The following IFT140 variants were observed in gnomAD, a reference collection of about 807,000 sequenced individuals.
IFT140 encodes intraflagellar transport protein 140 homolog.
Under a neutral mutation model 164.6 loss-of-function variants are expected in IFT140, and 133 were observed. That is an observed-to-expected ratio of 0.81 (90% CI 0.70 to 0.93). The LOEUF (loss-of-function observed/expected upper bound fraction) is 0.93, where lower values mean the gene tolerates loss of function less well. IFT140 is among the 40% of genes least tolerant of loss of function. IFT140 has a pLI of 0.00. For missense variants in IFT140, 2,045 were observed against 1,972.3 expected (o/e 1.04, Z -0.70); for synonymous variants, 860 against 817.3 (o/e 1.05, Z -0.89).
At chr16:1,524,316 C>T (rs920463536) in intron 24 of IFT140, 2 of 641,016 alleles carry the variant, frequency 3.1e-6, no homozygotes, top group African/African-American at 3.7e-5. Flanking sequence ...CACTCAGGAG[C>T]CCTGGAGCCT....
At chr16:1,519,525 C>T (rs1296804084) in intron 29 of IFT140, among the ~76,000 whole-genome samples, 1 of 152,156 alleles carries the variant, frequency 6.6e-6, no homozygotes. Context: ...GGTCCCCCAA[C>T]CCCAGGTCAC....
intron 2 of IFT140, chr16:1,610,380 C>A (rs1281635158): frequency 6.5e-6 from 1 of 154,886 alleles, no homozygotes; most frequent in Non-Finnish European, 1.5e-5. Context: ...CGCCCACCTC[C>A]CCACCCCGCC....
At chr16:1,566,788 T>A (rs1020828136) in intron 15 of IFT140, among the ~76,000 whole-genome samples, 20 of 152,108 alleles carry the variant, frequency 1.3e-4, no homozygotes, top group African/African-American at 4.8e-4. Context: ...CCGTCAGTGT[T>A]AACCCCTCAG....
In IFT140 at chr16:1,571,536, TGAG is replaced by T. The variant is rs757146365; in HGVS notation, c.1525-5_1525-3del. 6.2e-7 allele frequency: 1 copy of T among 1,608,894 alleles called. No homozygotes were observed. Among genetic ancestry groups the T allele is most frequent in the African/African-American group, 1.3e-5 (1 of 74,526 alleles). Reference sequence around the variant, plus strand: ...AAGGAGGAGTTGTTTGACAGTCCCCTGAGGAAAAGGAACAAGAAATGGATATAT... The same window carrying T: ...AAGGAGGAGTTGTTTGACAGTCCCCTGAAAAGGAACAAGAAATGGATATAT... On this transcript the variant is annotated splice_region_variant and splice_polypyrimidine_tract_variant and intron_variant, in intron 13 of 30. Coordinates refer to ENST00000426508, the MANE Select transcript of IFT140 (RefSeq NM_014714.4).
chr16:1,583,729 T>C (rs994297713), intron 11 of IFT140, among the ~76,000 whole-genome samples: 2 of 151,714 alleles, frequency 1.3e-5, no homozygotes, highest in African/African-American at 4.8e-5. Flanking sequence ...ACATGGCAGG[T>C]GTATATATTT....
intron 19 of IFT140, among the ~76,000 whole-genome samples, chr16:1,543,000 A>G (rs913083837): frequency 1.3e-5 from 2 of 152,220 alleles, no homozygotes; most frequent in Non-Finnish European, 2.9e-5. Flanking sequence ...CATGACCCCC[A>G]GCGACCCCAG....
chr16:1,593,660 C>T (rs1055999269), intron 4 of IFT140, among the ~76,000 whole-genome samples: 2 of 152,108 alleles, frequency 1.3e-5, no homozygotes, highest in African/African-American at 4.8e-5. Flanking sequence ...TGCCCCTCCA[C>T]TGGGATTGTT....
At chr16:1,546,342 G>C (rs1363304294) in intron 19 of IFT140, among the ~76,000 whole-genome samples, 1 of 152,190 alleles carries the variant, frequency 6.6e-6, no homozygotes, top group Admixed American at 6.5e-5. Context: ...GTGTTTCCCA[G>C]CTGGATCGCT....
chr16:1,590,771 ATTC>A, intron 6 of IFT140, among the ~76,000 whole-genome samples: 1 of 152,064 alleles, frequency 6.6e-6, no homozygotes, highest in East Asian at 1.9e-4. Context: ...TTTATTATTA[ATTC>A]TTTTTTCAAG....
At chr16:1,527,628 G>C (rs1184746764) in intron 19 of IFT140, among the ~76,000 whole-genome samples, 2 of 152,226 alleles carry the variant, frequency 1.3e-5, no homozygotes, top group Non-Finnish European at 2.9e-5. Context: ...CTGGAGTGCA[G>C]TGGCACAATC....
intron 13 of IFT140, among the ~76,000 whole-genome samples, chr16:1,573,768 G>A (rs764717091): frequency 3.9e-5 from 6 of 152,094 alleles, no homozygotes; most frequent in African/African-American, 7.2e-5. Context: ...CTCCTGCGGC[G>A]TCTCCCACAA....
At chr16:1,554,935 G>C in intron 19 of IFT140, 1 of 1,614,164 alleles carries the variant, frequency 6.2e-7, no homozygotes, top group Non-Finnish European at 8.5e-7. Context: ...AGGGAGGACT[G>C]CATGGCCCCC....
At chr16:1,538,515 C>A (rs993710612) in intron 19 of IFT140, among the ~76,000 whole-genome samples, 2 of 152,170 alleles carry the variant, frequency 1.3e-5, no homozygotes, top group African/African-American at 4.8e-5. Context: ...CCTCCTCCCC[C>A]TTCATTCTGG....
chr16:1,607,913 G>A (rs557543968), intron 2 of IFT140, among the ~76,000 whole-genome samples: 5 of 152,326 alleles, frequency 3.3e-5, no homozygotes, highest in Non-Finnish European at 5.9e-5. Context: ...CCAAAGTGCT[G>A]GGATTACAGC....
chr16:1,596,376 T>A (rs1174277642), intron 4 of IFT140, among the ~76,000 whole-genome samples: 1 of 152,170 alleles, frequency 6.6e-6, no homozygotes, highest in Non-Finnish European at 1.5e-5. Context: ...ACTTTAGAAA[T>A]CTTTATTAGC....
intron 24 of IFT140, 74 bp downstream of exon 24, chr16:1,524,478 G>T: frequency 6.4e-7 from 1 of 1,561,268 alleles, no homozygotes; most frequent in Non-Finnish European, 8.7e-7. Flanking sequence ...GATTCTCTCT[G>T]TCCACTTTTC....
At chr16:1,606,564 G>T (rs151182533) in intron 3 of IFT140, among the ~76,000 whole-genome samples, 1 of 152,272 alleles carries the variant, frequency 6.6e-6, no homozygotes, top group East Asian at 1.9e-4. Context: ...GGGTTCAAGC[G>T]ATTCTCCTGC....
chr16:1,557,872 G>A, intron 19 of IFT140, 63 bp downstream of exon 19: 1 of 1,507,884 alleles, frequency 6.6e-7, no homozygotes, highest in Non-Finnish European at 9.2e-7. Context: ...AGGCAAACAG[G>A]GAGAAAGGAA....
At chr16:1,555,828 G>A (rs1024191187) in intron 19 of IFT140, among the ~76,000 whole-genome samples, 1 of 152,196 alleles carries the variant, frequency 6.6e-6, no homozygotes, top group African/African-American at 2.4e-5. Flanking sequence ...GTCAGCCTGT[G>A]CGCGATGGCT....
Sources: allele counts gnomAD v4.1 joint callset (sites outside exome capture counted in the v4.1 genomes callset), GRCh38; gene constraint gnomAD v4.1.1; transcripts MANE v1.5; gene names NCBI Gene and HGNC (gene_info 2026-07-23, HGNC 2026-07-21).